The following PSG6 variants were observed in gnomAD, a reference collection of about 807,000 sequenced individuals.
PSG6 encodes pregnancy-specific beta-1-glycoprotein 6.
Under a neutral mutation model 43.3 loss-of-function variants are expected in PSG6, and 51 were observed. The observed-to-expected ratio is 1.18, with a 90% CI of 0.94 to 1.49. The LOEUF (loss-of-function observed/expected upper bound fraction) is 1.49, where lower values mean the gene tolerates loss of function less well. PSG6 is among the 40% of genes most tolerant of loss of function. The pLI, the probability that PSG6 is intolerant of heterozygous loss-of-function variation, is 0.00. For synonymous variants in PSG6, 292 were observed against 197.6 expected, an observed-to-expected ratio of 1.48 and a Z score of -4.01; for missense variants, 770 against 522.2, an observed-to-expected ratio of 1.47 and a Z score of -4.62.
intron 5 of PSG6, among the ~76,000 whole-genome samples, chr19:42,902,743 T>C (rs1972054421): frequency 6.6e-6 from 1 of 151,532 alleles, no homozygotes; most frequent in African/African-American, 2.4e-5. Flanking sequence ...CCCTCACAGG[T>C]GTCTTCCCTG....
Position 42,903,389 on chromosome 19 carries a change from C to T in PSG6, c.1241-943G>A, listed in dbSNP as rs148997354. Among the ~76,000 whole-genome samples, 638 of 150,430 alleles carry T rather than the reference C, an allele frequency of 4.2e-3. 13 individuals are homozygous for T. Among genetic ancestry groups the T allele is most frequent in the Middle Eastern group, 0.027 (8 of 292 alleles). ...CAACCTACTTTAATACTTCAGGATA[C>T]GAAAGAAGAACAAACTAAACCCAAG... On this transcript the variant is annotated intron_variant, in intron 5 of 5. Coordinates refer to ENST00000187910, the MANE Select transcript of PSG6 (RefSeq NM_001031850.4).
chr19:42,914,582 A>C (rs1972288259), intron 2 of PSG6, among the ~76,000 whole-genome samples: 1 of 150,652 alleles, frequency 6.6e-6, no homozygotes, highest in Non-Finnish European at 1.5e-5. Flanking sequence ...TCAGAGTTGC[A>C]TGAGGTGGGG....
chr19:42,914,008 T>G (rs958940519), intron 2 of PSG6, among the ~76,000 whole-genome samples: 2 of 151,736 alleles, frequency 1.3e-5, no homozygotes, highest in African/African-American at 2.4e-5. Context: ...CTTTCTTTAC[T>G]GCAAACCACC....
intron 5 of PSG6, 132 bp from the exon 6 acceptor site, chr19:42,902,578 A>C (rs550546790): frequency 8.0e-7 from 1 of 1,255,520 alleles, no homozygotes; most frequent in Non-Finnish European, 1.1e-6. Flanking sequence ...TTTAACTCCA[A>C]TGGGTGACTG....
intron 2 of PSG6, chr19:42,915,915 G>T (rs10421756): frequency 6.0e-6 from 4 of 666,946 alleles, no homozygotes; most frequent in Non-Finnish European, 9.0e-6. Flanking sequence ...CCTCTGCAGC[G>T]AGTGTCTGCA....
intron 2 of PSG6, among the ~76,000 whole-genome samples, chr19:42,913,803 G>A (rs1972271953): frequency 6.6e-6 from 1 of 151,514 alleles, no homozygotes; most frequent in Non-Finnish European, 1.5e-5. Context: ...CCCCTACCTA[G>A]AGGCAGATTC....
chr19:42,909,996 CTA>C (rs1972187522), intron 3 of PSG6: 1 of 166,896 alleles, frequency 6.0e-6, no homozygotes, highest in Non-Finnish European at 1.3e-5. Context: ...ATAGACCCCT[CTA>C]TATGTTTTAG....
chr19:42,917,394 C>T lies in PSG6; in HGVS notation c.64+335G>A, dbSNP rs1420934247. On this transcript the variant is annotated intron_variant, in intron 1 of 5. Transcript: ENST00000187910. ...TTTTTTTTTTTTTGAAATGGAGTCTCGTACTGTCACCCAGGCTGGCGTGCA... is the reference window on the plus strand; with the variant it reads ...TTTTTTTTTTTTTGAAATGGAGTCTTGTACTGTCACCCAGGCTGGCGTGCA... Among the ~76,000 whole-genome samples the T allele has an allele frequency of 7.7e-5, 10 of 129,850 alleles. No individual in the cohort carries two copies. The East Asian group carries it at 1.6e-3, about 20-fold the overall frequency. 85.2% of individuals were successfully genotyped at this position (129,850 alleles called of 152,430 possible).
chr19:42,917,522 T>A (rs184733968), intron 1 of PSG6, among the ~76,000 whole-genome samples: 1 of 150,858 alleles, frequency 6.6e-6, no homozygotes, highest in East Asian at 2.0e-4. Context: ...ACCACCATAC[T>A]TGGTTAATTT....
In PSG6 at chr19:42,902,247, A is replaced by G; in HGVS notation, c.*165T>C. 4 of 918,742 alleles carry G rather than the reference A, an allele frequency of 4.4e-6. No individual in the cohort carries two copies. Among genetic ancestry groups the G allele is most frequent in the Non-Finnish European group, 6.4e-6 (4 of 628,072 alleles). 56.9% of individuals were successfully genotyped at this position (918,742 alleles called of 1,614,324 possible). ...GAAGAAAAAAAGTTCATAAATCTGG[A>G]GAATAAAACATTCCAAGAATCAGCA... On this transcript the variant is annotated 3_prime_UTR_variant, in exon 6 of 6. Transcript: ENST00000187910.
At chr19:42,907,904 C>G in intron 3 of PSG6, 50 bp from the exon 4 acceptor site, 1 of 1,595,964 alleles carries the variant, frequency 6.3e-7, no homozygotes, top group Non-Finnish European at 8.6e-7. Context: ...GATTCCTCCA[C>G]AGGCATCCTT....
chr19:42,906,040 G>A (rs1284022853), intron 5 of PSG6, among the ~76,000 whole-genome samples: 2 of 151,576 alleles, frequency 1.3e-5, no homozygotes, highest in African/African-American at 2.4e-5. Context: ...TTAATGGTAA[G>A]TCTAATATTA....
intron 3 of PSG6, among the ~76,000 whole-genome samples, chr19:42,908,277 A>G (rs888332494): frequency 1.3e-5 from 2 of 151,692 alleles, no homozygotes; most frequent in Admixed American, 6.6e-5. Flanking sequence ...ATTTCCAAGG[A>G]CATTCTAGAG....
At chr19:42,913,492 T>G (rs959161466) in intron 2 of PSG6, among the ~76,000 whole-genome samples, 1 of 151,712 alleles carries the variant, frequency 6.6e-6, no homozygotes, top group African/African-American at 2.4e-5. Flanking sequence ...TTTGTTCAGC[T>G]TTTTACTTAG....
chr19:42,910,988 T>C (rs545003057), intron 2 of PSG6, 130 bp from the exon 3 acceptor site: 2 of 1,494,190 alleles, frequency 1.3e-6, no homozygotes, highest in East Asian at 4.6e-5. Flanking sequence ...GGCAGGTGTG[T>C]GTGTTACAAG....
chr19:42,907,240 T>C (rs537773575), intron 4 of PSG6, 64 bp from the exon 5 acceptor site: 7 of 1,571,462 alleles, frequency 4.5e-6, no homozygotes, highest in Non-Finnish European at 6.0e-6. Context: ...TCCTGGTCTC[T>C]TAAAGGGACA....
At chr19:42,915,780 G>A (rs892215931) in intron 2 of PSG6, 2 of 431,388 alleles carry the variant, frequency 4.6e-6, no homozygotes, top group African/African-American at 2.0e-5. Flanking sequence ...ATCTCAGTGG[G>A]CCCCTCAGGC....
chr19:42,906,146 C>T (rs1600539421), intron 5 of PSG6, among the ~76,000 whole-genome samples: 1 of 151,696 alleles, frequency 6.6e-6, no homozygotes, highest in Middle Eastern at 3.4e-3. Flanking sequence ...AGGGGTGAAT[C>T]TCCCTATTTC....
At position 42,917,346 on chromosome 19, in the gene PSG6, T is replaced by C. The variant is rs553433555; in HGVS notation, c.64+383A>G. ...CAACAGAGCCTTCTTTCCCTTTTTTTCTTTCTTCTTTTTATTCTTTTTTTT... is the reference window on the plus strand; with the variant it reads ...CAACAGAGCCTTCTTTCCCTTTTTTCCTTTCTTCTTTTTATTCTTTTTTTT... On this transcript the variant is annotated intron_variant, in intron 1 of 5. Transcript: ENST00000187910. Among the ~76,000 whole-genome samples the C allele has an allele frequency of 4.6e-4, 68 of 147,940 alleles. 1 individual carries two copies. Among genetic ancestry groups the C allele is most frequent in the African/African-American group, 1.3e-3 (53 of 39,918 alleles).
Sources: allele counts gnomAD v4.1 joint callset (sites outside exome capture counted in the v4.1 genomes callset), GRCh38; gene constraint gnomAD v4.1.1; transcripts MANE v1.5; gene names NCBI Gene and HGNC (gene_info 2026-07-23, HGNC 2026-07-21).